The following WDR45B variants were observed in gnomAD, a reference collection of about 807,000 sequenced individuals.
The protein encoded by WDR45B is WD repeat domain phosphoinositide-interacting protein 3.
In WDR45B, 20 loss-of-function variants were observed where a neutral mutation model predicts 44.6. The ratio of observed to expected loss-of-function variants is 0.45; its 90% CI spans 0.32 to 0.65. The LOEUF is 0.65. Among genes scored for constraint, WDR45B ranks in the 30% least tolerant of loss-of-function variants. The probability of loss-of-function intolerance (pLI) is 0.05; values close to 1 mark genes in which losing one functional copy is unlikely to be tolerated. For missense variants in WDR45B, 323 were observed against 430.2 expected (o/e 0.75, Z 2.20); for synonymous variants, 169 against 164.9 (o/e 1.02, Z -0.19).
At chr17:82,632,950 C>T (rs1463472599) in intron 2 of WDR45B, among the ~76,000 whole-genome samples, 1 of 152,120 alleles carries the variant, frequency 6.6e-6, no homozygotes, top group Non-Finnish European at 1.5e-5. Context: ...AGGTGGATTA[C>T]TTGAGGTCAG....
chr17:82,639,976 C>T (rs529197102), intron 2 of WDR45B, among the ~76,000 whole-genome samples: 3 of 111,798 alleles, frequency 2.7e-5, no homozygotes, highest in East Asian at 2.4e-4. Flanking sequence ...GTGTGTGGGT[C>T]GGGAGGGTGG....
chr17:82,641,665 G>C (rs759613305), intron 2 of WDR45B, among the ~76,000 whole-genome samples: 1 of 152,206 alleles, frequency 6.6e-6, no homozygotes, highest in Non-Finnish European at 1.5e-5. Flanking sequence ...GGGAGGACAA[G>C]GTGGGCGGAT....
chr17:82,618,334 C>T (rs1324220695), intron 7 of WDR45B, among the ~76,000 whole-genome samples: 1 of 152,238 alleles, frequency 6.6e-6, no homozygotes, highest in Non-Finnish European at 1.5e-5. Context: ...AGATGCTACC[C>T]AAGTAGGGCT....
intron 7 of WDR45B, 138 bp downstream of exon 7, chr17:82,618,905 T>TA (rs2143250465): frequency 1.3e-6 from 1 of 761,184 alleles, no homozygotes; most frequent in East Asian, 2.6e-5. Context: ...CCCAACCCCC[T>TA]AGCAGCCCAA....
rs113002441 is a variant in WDR45B at position 82,628,054 on chromosome 17, G to A, written c.245-763C>T. On this transcript the variant is annotated intron_variant, in intron 3 of 9. Transcript: ENST00000392325. ...CTCGCCCAGGCTGGAGTGCGGTGGCGCAATCTTGGCTCACTACAGCCTTGA... is the reference window on the plus strand; with the variant it reads ...CTCGCCCAGGCTGGAGTGCGGTGGCACAATCTTGGCTCACTACAGCCTTGA... Among the ~76,000 whole-genome samples, 239 of 152,006 alleles carry A rather than the reference G, an allele frequency of 1.6e-3. 1 individual carries two copies. Among genetic ancestry groups the A allele is most frequent in the African/African-American group, 5.5e-3 (230 of 41,474 alleles).
Position 82,643,428 on chromosome 17 carries a change from G to A in WDR45B, c.142+521C>T, listed in dbSNP as rs140672774. 5.3e-3 allele frequency among the ~76,000 whole-genome samples: 808 copies of A among 151,334 alleles called. 11 individuals are homozygous for A. The highest frequency in any genetic ancestry group is 0.018 in the African/African-American group (750 of 41,048). ...AGCCTGGGCGACAGAGCAAGATCCCGTCTCGGAAGAAGGAAAAAAAAAAAA... is the reference window on the plus strand; with the variant it reads ...AGCCTGGGCGACAGAGCAAGATCCCATCTCGGAAGAAGGAAAAAAAAAAAA... On this transcript the variant is annotated intron_variant, in intron 2 of 9. Transcript: ENST00000392325.
chr17:82,631,148 C>T, intron 2 of WDR45B, 126 bp from the exon 3 acceptor site: 2 of 879,212 alleles, frequency 2.3e-6, no homozygotes, highest in Non-Finnish European at 1.8e-6. Context: ...GACAAGATCT[C>T]ACTGTGTTGC....
At chr17:82,645,375 A>T (rs1047335106) in intron 1 of WDR45B, among the ~76,000 whole-genome samples, 1 of 152,166 alleles carries the variant, frequency 6.6e-6, no homozygotes, top group Non-Finnish European at 1.5e-5. Context: ...AAAAGGCAAA[A>T]TCCTCAATAG....
chr17:82,627,645 ATC>A (rs2045715989), intron 3 of WDR45B, among the ~76,000 whole-genome samples: 1 of 151,172 alleles, frequency 6.6e-6, no homozygotes, highest in Non-Finnish European at 1.5e-5. Context: ...AAGCGCATTC[ATC>A]TCTCTCTGCC....
At chr17:82,647,045 A>C (rs1301011383) in intron 1 of WDR45B, among the ~76,000 whole-genome samples, 1 of 152,178 alleles carries the variant, frequency 6.6e-6, no homozygotes, top group Admixed American at 6.5e-5. Flanking sequence ...CCTGGCCAAC[A>C]TGGTGAAACC....
At chr17:82,636,476 C>T (rs1400036961) in intron 2 of WDR45B, 1 of 151,806 alleles carries the variant, frequency 6.6e-6, no homozygotes, top group Non-Finnish European at 1.5e-5. Context: ...TTCTAAACCC[C>T]GCCAAAGAGA....
chr17:82,639,862 C>T (rs1246306374), intron 2 of WDR45B, among the ~76,000 whole-genome samples: 17 of 106,586 alleles, frequency 1.6e-4, no homozygotes, highest in Non-Finnish European at 2.2e-4. Flanking sequence ...GTCAGGTGGG[C>T]TGCCGAGCTG....
At chr17:82,637,753 G>C (rs1287575971) in intron 2 of WDR45B, among the ~76,000 whole-genome samples, 1 of 152,028 alleles carries the variant, frequency 6.6e-6, no homozygotes, top group African/African-American at 2.4e-5. Flanking sequence ...TTAGGGGAAG[G>C]ACACAAAGCT....
At chr17:82,625,889 T>C in intron 4 of WDR45B, 1 of 252,702 alleles carries the variant, frequency 4.0e-6, no homozygotes, top group Non-Finnish European at 7.8e-6. Flanking sequence ...ATTATTATTA[T>C]TACTTTTTTT....
chr17:82,620,132 C>G (rs1288025341), intron 6 of WDR45B, among the ~76,000 whole-genome samples: 1 of 152,188 alleles, frequency 6.6e-6, no homozygotes, highest in Non-Finnish European at 1.5e-5. Context: ...TGATACCATT[C>G]TAAAAAATAC....
intron 3 of WDR45B, 23 bp from the exon 4 acceptor site, chr17:82,627,314 T>A: frequency 6.3e-7 from 1 of 1,581,628 alleles, no homozygotes; most frequent in Non-Finnish European, 8.7e-7. Context: ...AAAGAAAAGA[T>A]GAATGCAGTC....
intron 3 of WDR45B, 58 bp from the exon 4 acceptor site, chr17:82,627,349 G>T: frequency 7.2e-7 from 1 of 1,397,036 alleles, no homozygotes; most frequent in Non-Finnish European, 1.0e-6. Context: ...GCGCTGGGAT[G>T]CAGCGATGCC....
At chr17:82,616,669 G>A (rs2045540168) in intron 8 of WDR45B, 24 bp from the exon 9 acceptor site, 23 of 1,613,978 alleles carry the variant, frequency 1.4e-5, no homozygotes, top group Non-Finnish European at 1.9e-5. Context: ...AAAAGAAAGG[G>A]TGGTTCAAAG....
intron 5 of WDR45B, among the ~76,000 whole-genome samples, chr17:82,624,137 C>G (rs920771036): frequency 3.9e-5 from 6 of 152,128 alleles, no homozygotes; most frequent in Non-Finnish European, 8.8e-5. Flanking sequence ...TTCCTAATAG[C>G]CAAAACACGG....
Sources: gnomAD v4.1 joint callset for allele counts (sites outside exome capture counted in the v4.1 genomes callset) on GRCh38, gnomAD v4.1.1 for gene constraint, MANE v1.5 for transcripts, NCBI Gene and HGNC (gene_info 2026-07-23, HGNC 2026-07-21) for gene names.